Variants in AOAH observed in about 807,000 individuals in gnomAD.
AOAH encodes the protein acyloxyacyl hydrolase, also known as acyloxyacyl hydrolase (neutrophil).
In AOAH, 64 loss-of-function variants were observed where a neutral mutation model predicts 92.2. That is an observed-to-expected ratio of 0.69 (90% CI 0.57 to 0.86). AOAH has a LOEUF of 0.86. AOAH is among the 40% of genes least tolerant of loss of function. The pLI, the probability that AOAH is intolerant of heterozygous loss-of-function variation, is 0.00. For missense variants in AOAH, 656 were observed against 694.6 expected (o/e 0.94, Z 0.62); for synonymous variants, 263 against 254.5 (o/e 1.03, Z -0.32).
intron 11 of AOAH, among the ~76,000 whole-genome samples, chr7:36,610,305 A>G (rs1791358155): frequency 6.6e-6 from 1 of 152,046 alleles, no homozygotes; most frequent in Non-Finnish European, 1.5e-5. Context: ...TGAGGAAAAT[A>G]CTTATGAATT....
intron 4 of AOAH, among the ~76,000 whole-genome samples, chr7:36,648,120 T>C (rs958951247): frequency 6.6e-6 from 1 of 152,070 alleles, no homozygotes; most frequent in East Asian, 1.9e-4. Flanking sequence ...GTGATCCTCC[T>C]GCCTCAACCT....
rs3837108 is a variant in AOAH at position 36,531,842 on chromosome 7, T to TTGTGTGTGTGTGTG, written c.1425+291_1425+304dup. On this transcript the variant is annotated intron_variant, in intron 18 of 20. Coordinates refer to ENST00000617537, the MANE Select transcript of AOAH (RefSeq NM_001637.4). ...TATGCTTAGGACCAGCTTTAAGAGGTTGTGTGTGTGTGTGTGTGTGTATGT... is the reference window on the plus strand; with the variant it reads ...TATGCTTAGGACCAGCTTTAAGAGGTTGTGTGTGTGTGTGTGTGTGTGTGTGTGTGTGTGTATGT... Among the ~76,000 whole-genome samples the TTGTGTGTGTGTGTG allele has an allele frequency of 1.1e-3, 172 of 150,624 alleles. 1 individual carries two copies. Among genetic ancestry groups the TTGTGTGTGTGTGTG allele is most frequent in the African/African-American group, 3.9e-3 (161 of 41,170 alleles).
chr7:36,698,222 T>C (rs1797832641), intron 1 of AOAH, among the ~76,000 whole-genome samples: 1 of 152,198 alleles, frequency 6.6e-6, no homozygotes, highest in South Asian at 2.1e-4. Flanking sequence ...TGGCACAAAA[T>C]TGTTTACGAT....
intron 20 of AOAH, among the ~76,000 whole-genome samples, chr7:36,517,212 T>TTCTTTCTTTCTTTCTTTCTTTC (rs1474223898): frequency 0.012 from 251 of 21,146 alleles, 5 homozygotes; most frequent in African/African-American, 0.026. Context: ...CTTTCTTTCT[T>TTCTTTCTTTCTTTCTTTCTTTC]TCTCTTTCTT....
intron 11 of AOAH, among the ~76,000 whole-genome samples, chr7:36,612,866 T>A: frequency 6.6e-6 from 1 of 152,240 alleles, no homozygotes; most frequent in East Asian, 1.9e-4. Flanking sequence ...TCATTAAAAA[T>A]TAGATTTTTT....
chr7:36,536,834 A>C (rs995048093), intron 16 of AOAH, among the ~76,000 whole-genome samples: 7 of 150,314 alleles, frequency 4.7e-5, no homozygotes, highest in African/African-American at 1.5e-4. Context: ...CTGTAATCCC[A>C]GCTACTCGGG....
chr7:36,669,383 T>C (rs1169363761), intron 3 of AOAH, among the ~76,000 whole-genome samples: 1 of 151,110 alleles, frequency 6.6e-6, no homozygotes, highest in African/African-American at 2.4e-5. Context: ...CCACCTTTTT[T>C]TTTTTTTTTT....
intron 16 of AOAH, among the ~76,000 whole-genome samples, 157 bp from the exon 17 acceptor site, chr7:36,532,501 T>C (rs973210138): frequency 6.6e-6 from 1 of 152,192 alleles, no homozygotes; most frequent in African/African-American, 2.4e-5. Flanking sequence ...TGCCTGTGCT[T>C]TCCTCCTTTC....
intron 1 of AOAH, among the ~76,000 whole-genome samples, chr7:36,688,319 A>G (rs1336619973): frequency 2.0e-5 from 3 of 152,208 alleles, no homozygotes; most frequent in Non-Finnish European, 4.4e-5. Context: ...ACAGTATAAG[A>G]AAAGATAATA....
At chr7:36,671,254 A>C (rs142318411) in intron 3 of AOAH, among the ~76,000 whole-genome samples, 621 of 152,250 alleles carry the variant, frequency 4.1e-3, no homozygotes, top group African/African-American at 0.015. Context: ...ACAAACACTT[A>C]TTGAAGACTT....
intron 4 of AOAH, among the ~76,000 whole-genome samples, chr7:36,654,013 C>T (rs976470954): frequency 4.0e-5 from 6 of 150,618 alleles, no homozygotes; most frequent in South Asian, 4.3e-4. Context: ...AAGTTGCATT[C>T]GGTTTTCAAT....
Position 36,674,005 on chromosome 7 carries a change from T to G in AOAH, c.228A>C (p.Lys76Asn), listed in dbSNP as rs1365389146. 2.5e-6 allele frequency: 4 copies of G among 1,597,454 alleles called. No individual in the cohort carries two copies. The highest frequency in any genetic ancestry group is 3.4e-6 in the Non-Finnish European group (4 of 1,166,050). Reference sequence around the variant, plus strand: ...AATAGCAGGTGGTTTTCAAGAACAGTTTTTCTAAAAAATATAAAGAGGGAA... The same window carrying G: ...AATAGCAGGTGGTTTTCAAGAACAGGTTTTCTAAAAAATATAAAGAGGGAA... ...MERLCSYLPE[K>N]LFLKTTCYLV... The change falls in exon 3 of 21, where the codon AAA becomes AAC. Residue 76 changes from lysine to asparagine, a missense_variant. Physicochemically the swap from Lys to Asn is moderately conservative, Grantham distance 94. Transcript: ENST00000617537.
intron 16 of AOAH, among the ~76,000 whole-genome samples, chr7:36,535,352 A>G (rs77373687): frequency 0.016 from 2,419 of 152,266 alleles, 67 homozygotes; most frequent in African/African-American, 0.054. Flanking sequence ...TTCTGGAAAC[A>G]TAATTGAAAT....
At chr7:36,657,703 A>G (rs4720210) in intron 4 of AOAH, among the ~76,000 whole-genome samples, 100,867 of 152,102 alleles carry the variant, frequency 0.66, 34,215 homozygotes, top group East Asian at 0.84. Context: ...GGCGGTTCCC[A>G]CATGAAATCC....
At position 36,668,523 on chromosome 7, in the gene AOAH, G is replaced by A. The variant is rs146847176; in HGVS notation, c.290+5420C>T. On this transcript the variant is annotated intron_variant, in intron 3 of 20. Transcript: ENST00000617537. Reference sequence around the variant, plus strand: ...TTTCTTGGAGGCAGAGTCTCCCCCTGTCACCCAGGCTGTAGTGCAATGGCG... The same window carrying A: ...TTTCTTGGAGGCAGAGTCTCCCCCTATCACCCAGGCTGTAGTGCAATGGCG... 4.8e-3 allele frequency among the ~76,000 whole-genome samples: 728 copies of A among 152,288 alleles called. 8 individuals carry two copies. The highest frequency in any genetic ancestry group is 8.1e-3 in the Non-Finnish European group (554 of 68,030).
intron 1 of AOAH, among the ~76,000 whole-genome samples, chr7:36,713,169 G>T (rs1355361771): frequency 6.6e-6 from 1 of 152,056 alleles, no homozygotes; most frequent in African/African-American, 2.4e-5. Flanking sequence ...AAAAAGGCAG[G>T]GGTTGCAATC....
At chr7:36,615,016 C>T (rs1032753530) in intron 11 of AOAH, among the ~76,000 whole-genome samples, 1 of 152,132 alleles carries the variant, frequency 6.6e-6, no homozygotes, top group Non-Finnish European at 1.5e-5. Flanking sequence ...TTGCCCTAAG[C>T]ATCTCCTGGC....
At chr7:36,591,143 G>C (rs1487648110) in intron 12 of AOAH, among the ~76,000 whole-genome samples, 1 of 152,150 alleles carries the variant, frequency 6.6e-6, no homozygotes, top group African/African-American at 2.4e-5. Flanking sequence ...CACTCCAGCT[G>C]AGTGGCAGCA....
At chr7:36,635,651 GTGACGTAAATGGT>G (rs1484143087) in intron 5 of AOAH, among the ~76,000 whole-genome samples, 1 of 152,180 alleles carries the variant, frequency 6.6e-6, no homozygotes, top group Non-Finnish European at 1.5e-5. Context: ...CGCATAGCCT[GTGACGTAAATGGT>G]GCTCCCCAAA....
Sources: gnomAD v4.1 joint callset for allele counts (sites outside exome capture counted in the v4.1 genomes callset) on GRCh38, gnomAD v4.1.1 for gene constraint, MANE v1.5 for transcripts, NCBI Gene and HGNC (gene_info 2026-07-23, HGNC 2026-07-21) for gene names.